Variants in RPTOR observed in about 807,000 individuals in gnomAD.
RPTOR encodes the protein regulatory associated protein of MTOR complex 1.
RPTOR carries 21 observed loss-of-function variants against 169.9 expected under a neutral mutation model. The observed-to-expected ratio is 0.12, with a 90% confidence interval of 0.09 to 0.18. The LOEUF (loss-of-function observed/expected upper bound fraction) is 0.18, where lower values mean the gene tolerates loss of function less well. Ranked by LOEUF, RPTOR falls within the 10% of genes least tolerant of loss-of-function variation. The pLI is 1.00. For synonymous variants in RPTOR, 732 were observed against 753.2 expected (o/e 0.97, Z 0.46); for missense variants, 1,133 against 1,855.9 (o/e 0.61, Z 7.16).
chr17:80,616,298 C>CTTTTTT (rs201229448), intron 1 of RPTOR, among the ~76,000 whole-genome samples: 14,588 of 112,126 alleles, frequency 0.13, 1,667 homozygotes, highest in East Asian at 0.18. Context: ...AATTGAAAAT[C>CTTTTTT]TTTTTTTTTT....
chr17:80,837,409 A>C (rs1400309384), intron 9 of RPTOR, among the ~76,000 whole-genome samples: 2 of 152,162 alleles, frequency 1.3e-5, no homozygotes, highest in African/African-American at 2.4e-5. Flanking sequence ...CGCAGAGCTC[A>C]GCCCTGACCG....
chr17:80,895,261 G>A (rs1391389039), intron 20 of RPTOR, among the ~76,000 whole-genome samples: 1 of 152,208 alleles, frequency 6.6e-6, no homozygotes, highest in Admixed American at 6.5e-5. Flanking sequence ...GCATATGGTG[G>A]CCGCTCCCCT....
At chr17:80,937,796 C>G (rs886775099) in intron 24 of RPTOR, among the ~76,000 whole-genome samples, 5 of 152,216 alleles carry the variant, frequency 3.3e-5, no homozygotes, top group Non-Finnish European at 4.4e-5. Context: ...CCTAGTTTCC[C>G]AGGGTGGGTG....
At chr17:80,789,161 CTG>C (rs1231765082) in intron 6 of RPTOR, among the ~76,000 whole-genome samples, 1 of 152,188 alleles carries the variant, frequency 6.6e-6, no homozygotes, top group Non-Finnish European at 1.5e-5. Context: ...GTGTAAGTCT[CTG>C]TGTACTAATT....
At chr17:80,806,043 A>G (rs930970207) in intron 7 of RPTOR, among the ~76,000 whole-genome samples, 2 of 152,264 alleles carry the variant, frequency 1.3e-5, no homozygotes, top group Non-Finnish European at 2.9e-5. Flanking sequence ...AGCACTGTGC[A>G]TATGAACCAT....
intron 3 of RPTOR, among the ~76,000 whole-genome samples, chr17:80,700,691 ATGGTGATGGTGGTGG>A (rs2066086064): frequency 1.9e-5 from 1 of 51,338 alleles, no homozygotes; most frequent in East Asian, 7.8e-4. Context: ...GGTGGTGGTG[ATGGTGATGGTGGTGG>A]TGATGGTGGT....
At chr17:80,564,319 C>T (rs2084546637) in intron 1 of RPTOR, among the ~76,000 whole-genome samples, 1 of 152,078 alleles carries the variant, frequency 6.6e-6, no homozygotes, top group South Asian at 2.1e-4. Context: ...GCCTCGGCCT[C>T]CCAAAGTGCT....
At chr17:80,748,753 G>T (rs71368086) in intron 5 of RPTOR, among the ~76,000 whole-genome samples, 1,692 of 38,064 alleles carry the variant, frequency 0.044, 176 homozygotes, top group Middle Eastern at 0.1. Flanking sequence ...AGGCCGTGGC[G>T]GGAGGACCTG....
At chr17:80,783,193 G>A (rs549963007) in intron 6 of RPTOR, among the ~76,000 whole-genome samples, 7 of 152,292 alleles carry the variant, frequency 4.6e-5, no homozygotes, top group African/African-American at 1.7e-4. Flanking sequence ...AATAGAAGGT[G>A]GCTTCCTTAA....
chr17:80,743,650 C>A (rs868220989), intron 5 of RPTOR, among the ~76,000 whole-genome samples: 1 of 152,194 alleles, frequency 6.6e-6, no homozygotes, highest in African/African-American at 2.4e-5. Flanking sequence ...GCTACTTTGC[C>A]CTCGGCAGCA....
intron 4 of RPTOR, among the ~76,000 whole-genome samples, chr17:80,718,345 G>C (rs1304870203): frequency 6.6e-6 from 1 of 152,138 alleles, no homozygotes; most frequent in Non-Finnish European, 1.5e-5. Context: ...CTTGCACTAT[G>C]TTCTACCCTT....
At chr17:80,932,977 G>A (rs1025518480) in intron 24 of RPTOR, among the ~76,000 whole-genome samples, 1 of 152,218 alleles carries the variant, frequency 6.6e-6, no homozygotes, top group African/African-American at 2.4e-5. Flanking sequence ...AACTGTGTAA[G>A]ACAGAGATAG....
At chr17:80,853,749 CG>C (rs2067821051) in intron 11 of RPTOR, among the ~76,000 whole-genome samples, 1 of 152,164 alleles carries the variant, frequency 6.6e-6, no homozygotes, top group Non-Finnish European at 1.5e-5. Flanking sequence ...GAGGCCAAGG[CG>C]GGTGGATCAC....
intron 20 of RPTOR, among the ~76,000 whole-genome samples, chr17:80,905,799 G>T (rs1342370813): frequency 1.4e-4 from 21 of 152,298 alleles, no homozygotes; most frequent in Non-Finnish European, 1.5e-5. Context: ...CAGTCTGCCA[G>T]GGCCGCCGGG....
chr17:80,911,394 G>C (rs1403097666), intron 21 of RPTOR, among the ~76,000 whole-genome samples: 2 of 152,136 alleles, frequency 1.3e-5, no homozygotes, highest in Non-Finnish European at 1.5e-5. Flanking sequence ...GTTGAAAATA[G>C]CCAGTCAATT....
At chr17:80,890,971 C>T (rs1030238346) in intron 17 of RPTOR, among the ~76,000 whole-genome samples, 10 of 151,912 alleles carry the variant, frequency 6.6e-5, no homozygotes, top group African/African-American at 2.2e-4. Flanking sequence ...GCTAAGAATC[C>T]GTATTTTTTC....
intron 6 of RPTOR, among the ~76,000 whole-genome samples, chr17:80,765,688 GTCTC>G (rs1555616515): frequency 3.9e-5 from 6 of 152,128 alleles, no homozygotes; most frequent in Non-Finnish European, 1.5e-5. Context: ...CCTGCCCAGC[GTCTC>G]TCATTTGCCA....
rs555635552 is a variant in RPTOR, at chr17:80,659,654, G to A, written c.348+15844G>A. On this transcript the variant is annotated intron_variant, in intron 3 of 33. Coordinates refer to ENST00000306801, the MANE Select transcript of RPTOR (RefSeq NM_020761.3). This position sits in a 1 kb window ranked among gnomAD's most constrained non-coding sequence, Gnocchi z 4.3. ...CCCAAGTAGCTGGGACTACGGGCAC[G>A]CACCAGCACACTCGGCTAATTTCTG... Among the ~76,000 whole-genome samples the A allele has an allele frequency of 3.4e-4, 51 of 151,974 alleles. No individual in the cohort carries two copies. The East Asian group carries it at 6.2e-3, about 19-fold the overall frequency.
chr17:80,641,930 G>T (rs570064209), intron 2 of RPTOR, among the ~76,000 whole-genome samples: 2 of 152,244 alleles, frequency 1.3e-5, no homozygotes, highest in East Asian at 3.9e-4. Context: ...AGCATGTGGT[G>T]CTGTTTGATA....
Sources: gnomAD v4.1 joint callset for allele counts (sites outside exome capture counted in the v4.1 genomes callset) on GRCh38, gnomAD v4.1.1 for gene constraint, Gnocchi (gnomAD v3.1) non-coding constraint, MANE v1.5 for transcripts, NCBI Gene and HGNC (gene_info 2026-07-23, HGNC 2026-07-21) for gene names.